The following SERINC5 variants were observed in gnomAD, a reference collection of about 807,000 sequenced individuals.
SERINC5 encodes the protein chromosome 5 open reading frame 12.
In SERINC5, 41 loss-of-function variants were observed where a neutral mutation model predicts 63.1. The ratio of observed to expected loss-of-function variants is 0.65; its 90% CI spans 0.51 to 0.84. The LOEUF (loss-of-function observed/expected upper bound fraction) is 0.84, where lower values mean the gene tolerates loss of function less well. SERINC5 is among the 40% of genes least tolerant of loss of function. The pLI, the probability that SERINC5 is intolerant of heterozygous loss-of-function variation, is 0.00. For missense variants in SERINC5, 523 were observed against 573.0 expected (o/e 0.91, Z 0.89); for synonymous variants, 222 against 215.2 (o/e 1.03, Z -0.28).
intron 7 of SERINC5, among the ~76,000 whole-genome samples, chr5:80,161,721 G>C (rs1328850885): frequency 1.3e-5 from 2 of 152,064 alleles, no homozygotes; most frequent in Non-Finnish European, 2.9e-5. Context: ...AGTTCCATTT[G>C]TCTGGTTTTG....
chr5:80,145,556 G>A lies in SERINC5; in HGVS notation c.1238+534C>T, dbSNP rs540299021. 2.0e-5 allele frequency among the ~76,000 whole-genome samples: 3 copies of A among 151,910 alleles called. 1 individual carries two copies. In the South Asian group the frequency reaches 6.2e-4, roughly 31 times the overall value. On this transcript the variant is annotated intron_variant, in intron 11 of 11. Coordinates refer to ENST00000507668, the MANE Select transcript of SERINC5 (RefSeq NM_001174072.3). ...ATGGGGAAAAAGATACACAAAATTT[G>A]AAGTAGAAAAAAAAGGGATATTTTC...
At chr5:80,252,624 T>G (rs1278008222) in intron 1 of SERINC5, among the ~76,000 whole-genome samples, 1 of 152,232 alleles carries the variant, frequency 6.6e-6, no homozygotes, top group African/African-American at 2.4e-5. Context: ...ATTATCCTGA[T>G]GCAGATGGGT....
chr5:80,195,575 C>T (rs181579614), intron 2 of SERINC5, among the ~76,000 whole-genome samples: 26 of 152,064 alleles, frequency 1.7e-4, no homozygotes, highest in African/African-American at 6.0e-4. Flanking sequence ...TCCCTGGAAC[C>T]AGTACAAGAA....
At chr5:80,204,398 G>A (rs756137178) in intron 1 of SERINC5, among the ~76,000 whole-genome samples, 15 of 152,170 alleles carry the variant, frequency 9.9e-5, no homozygotes, top group Non-Finnish European at 1.8e-4. Flanking sequence ...TGCCCAGTTG[G>A]TGTCCTGTAC....
chr5:80,193,002 G>C (rs1246488178), intron 2 of SERINC5, among the ~76,000 whole-genome samples: 1 of 152,120 alleles, frequency 6.6e-6, no homozygotes, highest in African/African-American at 2.4e-5. Flanking sequence ...TTGCCAAACT[G>C]CTCTCTTTTC....
chr5:80,230,460 A>G (rs1375330389), intron 1 of SERINC5, among the ~76,000 whole-genome samples: 1 of 47,316 alleles, frequency 2.1e-5, no homozygotes, highest in East Asian at 6.2e-4. Flanking sequence ...AAAAAAAAAA[A>G]AAGAAACCAT....
Position 80,203,006 on chromosome 5 carries a change from G to A in SERINC5, c.75C>T (p.Cys25=). 6.2e-7 allele frequency: 1 copy of A among 1,612,880 alleles called. No individual in the cohort carries two copies. The change falls in exon 2 of 12, where the codon TGC becomes TGT. Residue 25 remains cysteine, a synonymous_variant. Transcript: ENST00000507668. The part of the protein sequence containing the change: ...GSAGCSLCCD[C]CPRIRQSLST... ...TGAGGGACTGCCGAATCCTGGGGCAGCAATCACAGCAGAGAGAGCAGCCTG... is the reference window on the plus strand; with the variant it reads ...TGAGGGACTGCCGAATCCTGGGGCAACAATCACAGCAGAGAGAGCAGCCTG...
At chr5:80,164,910 GTTTTTTTTTTTT>G (rs70982026) in intron 7 of SERINC5, among the ~76,000 whole-genome samples, 4 of 85,180 alleles carry the variant, frequency 4.7e-5, no homozygotes, top group South Asian at 4.4e-4. Flanking sequence ...CTTTTTTTCT[GTTTTTTTTTTTT>G]TTTTTTTTTT....
intron 2 of SERINC5, among the ~76,000 whole-genome samples, chr5:80,181,452 G>GTGTGTGTGTGTGTGT: frequency 7.4e-6 from 1 of 135,694 alleles, no homozygotes; most frequent in Admixed American, 7.3e-5. Context: ...GTGTACAGTT[G>GTGTGTGTGTGTGTGT]GTGTTTCACC....
At chr5:80,246,505 T>C (rs1003035788) in intron 1 of SERINC5, among the ~76,000 whole-genome samples, 2 of 152,182 alleles carry the variant, frequency 1.3e-5, no homozygotes, top group Non-Finnish European at 2.9e-5. Flanking sequence ...AGAGTGAAAA[T>C]GCTGTCTAAT....
chr5:80,234,796 A>T (rs956686217), intron 1 of SERINC5, among the ~76,000 whole-genome samples: 23 of 152,198 alleles, frequency 1.5e-4, no homozygotes, highest in Non-Finnish European at 3.1e-4. Flanking sequence ...ATGCCTTTCA[A>T]ATTGGAAACC....
At chr5:80,234,659 G>A (rs750825311) in intron 1 of SERINC5, among the ~76,000 whole-genome samples, 35 of 152,184 alleles carry the variant, frequency 2.3e-4, no homozygotes, top group Admixed American at 1.9e-3. Flanking sequence ...TGCCCCCAAC[G>A]TTATCCCCTA....
intron 2 of SERINC5, among the ~76,000 whole-genome samples, chr5:80,192,114 G>C (rs1749225396): frequency 1.3e-5 from 2 of 152,202 alleles, no homozygotes; most frequent in Non-Finnish European, 2.9e-5. Flanking sequence ...CTGCTACAGA[G>C]ACCACAGGGC....
Position 80,140,222 on chromosome 5 carries a change from C to T in SERINC5, c.*3441G>A. ...TGGTCTCAGCTACTTGGGAGGTGGT[C>T]CTTGAGCCCAGGAGGTCAAGCCTGC... On this transcript the variant is annotated 3_prime_UTR_variant, in exon 12 of 12. Transcript: ENST00000507668. 1.2e-6 allele frequency: 1 copy of T among 811,190 alleles called. No individual in the cohort carries two copies. Among genetic ancestry groups the T allele is most frequent in the South Asian group, 5.7e-5 (1 of 17,674 alleles). The allele number at this position is 811,190 out of a possible 1,614,324, so 50.2% of individuals were successfully genotyped here.
At chr5:80,232,329 G>A (rs1431277348) in intron 1 of SERINC5, among the ~76,000 whole-genome samples, 8 of 151,668 alleles carry the variant, frequency 5.3e-5, no homozygotes, top group African/African-American at 7.3e-5. Context: ...GCAAGAACCC[G>A]GGATGTGGAG....
At chr5:80,155,487 C>T (rs768668825) in intron 8 of SERINC5, among the ~76,000 whole-genome samples, 6 of 149,870 alleles carry the variant, frequency 4.0e-5, no homozygotes, top group Middle Eastern at 3.5e-3. Flanking sequence ...GCAGGAGAAT[C>T]GCTTGAACCT....
At chr5:80,118,584 G>C (rs1199289973) in intron 11 of SERINC5, among the ~76,000 whole-genome samples, 1 of 151,894 alleles carries the variant, frequency 6.6e-6, no homozygotes, top group Non-Finnish European at 1.5e-5. Context: ...GTCTCACTCT[G>C]TCCCCCAGGA....
intron 7 of SERINC5, among the ~76,000 whole-genome samples, chr5:80,161,029 C>T (rs866785980): frequency 1.4e-4 from 16 of 111,846 alleles, no homozygotes; most frequent in African/African-American, 7.2e-4. Flanking sequence ...TATATATATA[C>T]ACACGTGTAT....
chr5:80,193,324 C>T (rs1477063839), intron 2 of SERINC5, among the ~76,000 whole-genome samples: 2 of 152,160 alleles, frequency 1.3e-5, no homozygotes, highest in African/African-American at 2.4e-5. Flanking sequence ...TCTCTCCAGC[C>T]CCATGTTTAT....
Sources: gnomAD v4.1 joint callset for allele counts (sites outside exome capture counted in the v4.1 genomes callset) on GRCh38, gnomAD v4.1.1 for gene constraint, MANE v1.5 for transcripts, NCBI Gene and HGNC (gene_info 2026-07-23, HGNC 2026-07-21) for gene names.